Variants in URM1 observed in about 807,000 individuals in gnomAD.
URM1 encodes ubiquitin related modifier 1.
In URM1, 11 loss-of-function variants were observed where a neutral mutation model predicts 17.7. The observed-to-expected ratio is 0.62, with a 90% CI of 0.39 to 1.03. The LOEUF (loss-of-function observed/expected upper bound fraction) is 1.03, where lower values mean the gene tolerates loss of function less well. Ranked by LOEUF, URM1 falls within the 50% of genes least tolerant of loss-of-function variation. URM1 has a pLI of 0.00. For synonymous variants in URM1, 48 were observed against 50.6 expected (o/e 0.95, Z 0.22); for missense variants, 128 against 129.2 (o/e 0.99, Z 0.04).
intron 2 of URM1, among the ~76,000 whole-genome samples, chr9:128,382,181 G>A (rs142261599): frequency 1.3e-5 from 2 of 152,222 alleles, no homozygotes; most frequent in African/African-American, 4.8e-5. Context: ...TTAGTCTTTG[G>A]CTCCTTTGCT....
At chr9:128,376,294 T>C (rs145754933) in intron 1 of URM1, among the ~76,000 whole-genome samples, 3 of 151,274 alleles carry the variant, frequency 2.0e-5, no homozygotes, top group African/African-American at 7.3e-5. Context: ...CCCAGGAGGT[T>C]AAGGTTGTAT....
chr9:128,380,440 G>C (rs1332697372), intron 2 of URM1, among the ~76,000 whole-genome samples: 5 of 152,136 alleles, frequency 3.3e-5, no homozygotes, highest in Admixed American at 2.6e-4. Context: ...GACATGGGGT[G>C]CTAAAGGTGA....
intron 1 of URM1, among the ~76,000 whole-genome samples, chr9:128,372,287 G>T (rs1396232884): frequency 6.7e-6 from 1 of 149,800 alleles, no homozygotes; most frequent in African/African-American, 2.5e-5. Flanking sequence ...TGTGTGTGTG[G>T]AATAGGTAGG....
At chr9:128,383,680 C>T (rs566167136) in intron 2 of URM1, among the ~76,000 whole-genome samples, 2 of 152,290 alleles carry the variant, frequency 1.3e-5, no homozygotes, top group African/African-American at 4.8e-5. Context: ...AGGAGCTGAC[C>T]TCCTGTCCCT....
At chr9:128,371,833 A>G (rs976799277) in intron 1 of URM1, among the ~76,000 whole-genome samples, 4 of 152,074 alleles carry the variant, frequency 2.6e-5, no homozygotes, top group African/African-American at 9.7e-5. Context: ...CACTGTTATT[A>G]AGGTCTTGTT....
chr9:128,372,618 T>G (rs923383965), intron 1 of URM1, among the ~76,000 whole-genome samples: 1 of 152,174 alleles, frequency 6.6e-6, no homozygotes, highest in African/African-American at 2.4e-5. Flanking sequence ...GTCTGGCTGC[T>G]TGGATCCAAT....
chr9:128,378,405 C>T (rs931764965), intron 2 of URM1, among the ~76,000 whole-genome samples: 42 of 151,866 alleles, frequency 2.8e-4, no homozygotes, highest in Non-Finnish European at 4.7e-4. Context: ...GGCATGGTGG[C>T]GCGTGCATGT....
chr9:128,388,989 A>G (rs1292003104), intron 3 of URM1: 84 of 1,281,626 alleles, frequency 6.6e-5, no homozygotes, highest in Non-Finnish European at 7.8e-5. Context: ...GGAACCTGAT[A>G]CTCAGAAACA....
At chr9:128,373,443 C>T (rs1833038137) in intron 1 of URM1, among the ~76,000 whole-genome samples, 1 of 152,072 alleles carries the variant, frequency 6.6e-6, no homozygotes. Flanking sequence ...TTAGTGGCCC[C>T]ACTCCCACTC....
chr9:128,372,610 C>T (rs1332138812), intron 1 of URM1, among the ~76,000 whole-genome samples: 1 of 152,184 alleles, frequency 6.6e-6, no homozygotes, highest in East Asian at 1.9e-4. Flanking sequence ...TTGATATTGT[C>T]TGGCTGCTTG....
rs138028529 is a variant in URM1 at position 128,371,380 on chromosome 9, C to T, written c.-1C>T. The T allele has an allele frequency of 4.5e-5, 73 of 1,613,110 alleles. No individual in the cohort carries two copies. In the African/African-American group the frequency reaches 8.3e-4, roughly 18 times the overall value. Reference sequence around the variant, plus strand: ...TTTCCTGCGAGCTCGGCTTCCTCAACATGGCTGCGCCCTTGTCAGTGGAGG... The same window carrying T: ...TTTCCTGCGAGCTCGGCTTCCTCAATATGGCTGCGCCCTTGTCAGTGGAGG... On this transcript the variant is annotated 5_prime_UTR_variant, in exon 1 of 5. Coordinates refer to ENST00000372853, the MANE Select transcript of URM1 (RefSeq NM_030914.4).
rs1261181225 is a variant in URM1 at position 128,391,754 on chromosome 9, A to G, written c.*2020A>G. 3 of 152,212 alleles carry G rather than the reference A, an allele frequency of 2.0e-5. No homozygotes were observed. The highest frequency in any genetic ancestry group is 1.3e-4 in the Admixed American group (2 of 15,286). The allele number at this position is 152,212 out of a possible 1,614,324, so 9.4% of individuals were successfully genotyped here. A position where few individuals can be genotyped will look rare whatever the true frequency, so the allele number is the denominator to read the frequency against. ...ATATCCCTTCTCCCAGCACACCCCAATTAATACTGAAGAGTAGGGCAGGAG... is the reference window on the plus strand; with the variant it reads ...ATATCCCTTCTCCCAGCACACCCCAGTTAATACTGAAGAGTAGGGCAGGAG... On this transcript the variant is annotated 3_prime_UTR_variant, in exon 5 of 5. Coordinates refer to ENST00000372853, the MANE Select transcript of URM1 (RefSeq NM_030914.4).
rs1239713854 is a variant in URM1, at chr9:128,387,630, A to T, written c.107-186A>T. Among the ~76,000 whole-genome samples, 3 of 152,216 alleles carry T rather than the reference A, an allele frequency of 2.0e-5. No individual in the cohort carries two copies. The highest frequency in any genetic ancestry group is 4.4e-5 in the Non-Finnish European group (3 of 68,048). Reference sequence around the variant, plus strand: ...GCTTTCTCTGAAGATCCACCTGGCAAGTCACTGGCCTGTCCTAACCTGTTT... The same window carrying T: ...GCTTTCTCTGAAGATCCACCTGGCATGTCACTGGCCTGTCCTAACCTGTTT... On this transcript the variant is annotated intron_variant, in intron 2 of 4. Transcript: ENST00000372853. The surrounding 1 kb of genome is among the most constrained non-coding windows in gnomAD (Gnocchi z 4.3).
intron 2 of URM1, among the ~76,000 whole-genome samples, chr9:128,385,076 AC>A (rs1189505661): frequency 6.6e-6 from 1 of 152,156 alleles, no homozygotes; most frequent in Non-Finnish European, 1.5e-5. Context: ...GCTGAGGTTC[AC>A]TGGGAGGGAG....
rs1054355972 is a variant in URM1 at position 128,388,805 on chromosome 9, T to TA, written c.189-448dup. On this transcript the variant is annotated intron_variant, in intron 3 of 4. Coordinates refer to ENST00000372853, the MANE Select transcript of URM1 (RefSeq NM_030914.4). ...TCTCCAGGATGGGCATGCAGAGGCCTAAAAAAAAGCCGAAGTTCTTTTCCA... is the reference window on the plus strand; with the variant it reads ...TCTCCAGGATGGGCATGCAGAGGCCTAAAAAAAAAGCCGAAGTTCTTTTCCA... 246 of 989,504 alleles carry TA rather than the reference T, an allele frequency of 2.5e-4. No homozygotes were observed. The African/African-American group carries it at 2.7e-3, about 11-fold the overall frequency. 61.3% of individuals were successfully genotyped at this position (989,504 alleles called of 1,614,324 possible).
rs1833281936 is a variant in URM1, at chr9:128,389,783, C to T, written c.*49C>T. 1 of 1,611,248 alleles carries T rather than the reference C, an allele frequency of 6.2e-7. No individual in the cohort carries two copies. The highest frequency in any genetic ancestry group is 8.5e-7 in the Non-Finnish European group (1 of 1,178,752). ...CCCTTAGAGGGGAGAACGAAGCAATCAGACATCCCCTTGGGCCCTGCTTCC... is the reference window on the plus strand; with the variant it reads ...CCCTTAGAGGGGAGAACGAAGCAATTAGACATCCCCTTGGGCCCTGCTTCC... On this transcript the variant is annotated 3_prime_UTR_variant, in exon 5 of 5. Transcript: ENST00000372853.
rs1323520871 is a variant in URM1 at position 128,389,929 on chromosome 9, GCAGA to G, written c.*199_*202del. The G allele has an allele frequency of 1.0e-5, 7 of 682,114 alleles. No homozygotes were observed. Among genetic ancestry groups the G allele is most frequent in the Non-Finnish European group, 1.7e-5 (7 of 416,340 alleles). The allele number at this position is 682,114 out of a possible 1,614,324, so 42.3% of individuals were successfully genotyped here. A position where few individuals can be genotyped will look rare whatever the true frequency, so the allele number is the denominator to read the frequency against. On this transcript the variant is annotated 3_prime_UTR_variant, in exon 5 of 5. Coordinates refer to ENST00000372853, the MANE Select transcript of URM1 (RefSeq NM_030914.4). Reference sequence around the variant, plus strand: ...TTCTCAAGCACGTGAGCAGCGGAAGGCAGACAGGCGCCAGAGCCCAGCACTCCCT... The same window carrying G: ...TTCTCAAGCACGTGAGCAGCGGAAGGCAGGCGCCAGAGCCCAGCACTCCCT...
chr9:128,381,312 C>T (rs141622775), intron 2 of URM1, among the ~76,000 whole-genome samples: 151 of 152,226 alleles, frequency 9.9e-4, no homozygotes, highest in African/African-American at 3.1e-3. Flanking sequence ...TGTATAACTG[C>T]GTCATTACAA....
intron 2 of URM1, among the ~76,000 whole-genome samples, chr9:128,380,617 A>G (rs1833145935): frequency 6.6e-6 from 1 of 151,846 alleles, no homozygotes; most frequent in African/African-American, 2.4e-5. Flanking sequence ...AAAACCCACA[A>G]ATTTTCTTTT....
Sources: gnomAD v4.1 joint callset for allele counts (sites outside exome capture counted in the v4.1 genomes callset) on GRCh38, gnomAD v4.1.1 for gene constraint, Gnocchi (gnomAD v3.1) non-coding constraint, MANE v1.5 for transcripts, NCBI Gene and HGNC (gene_info 2026-07-23, HGNC 2026-07-21) for gene names.